Variants in ATF6 observed in about 807,000 individuals in gnomAD.
ATF6 encodes the protein cyclic AMP-dependent transcription factor ATF-6 alpha.
ATF6 carries 53 observed loss-of-function variants against 83.6 expected under a neutral mutation model. The ratio of observed to expected loss-of-function variants is 0.63; its 90% CI spans 0.51 to 0.80. The LOEUF (loss-of-function observed/expected upper bound fraction) is 0.80. Ranked by LOEUF, ATF6 falls within the 30% of genes least tolerant of loss-of-function variation. ATF6 has a pLI of 0.00. For missense variants in ATF6, 744 were observed against 797.9 expected, an observed-to-expected ratio of 0.93 and a Z score of 0.81; for synonymous variants, 288 against 285.8, an observed-to-expected ratio of 1.01 and a Z score of -0.08.
At chr1:161,901,448 A>C (rs945805186) in intron 14 of ATF6, among the ~76,000 whole-genome samples, 18 of 152,096 alleles carry the variant, frequency 1.2e-4, no homozygotes, top group Admixed American at 1.0e-3. Flanking sequence ...AAACAATTAA[A>C]ATTTTAAATA....
chr1:161,783,988 A>C lies in ATF6; in HGVS notation c.248-2A>C. On this transcript the variant is annotated splice_acceptor_variant, in intron 3 of 15. Coordinates refer to ENST00000367942, the MANE Select transcript of ATF6 (RefSeq NM_007348.4). LOFTEE classifies it high-confidence loss of function. ...GTAAAACCTTTCCTCCATGTTTTCC[A>C]GTTAAAGATATTAAGGCAGAACCTC... The C allele has an allele frequency of 6.3e-7, 1 of 1,597,534 alleles. No individual in the cohort carries two copies.
chr1:161,935,204 G>A (rs995392839), intron 15 of ATF6, among the ~76,000 whole-genome samples: 37 of 152,270 alleles, frequency 2.4e-4, no homozygotes, highest in African/African-American at 8.7e-4. Context: ...AGATAGACTC[G>A]TATGTAATCA....
At chr1:161,865,499 G>A (rs1253743176) in intron 14 of ATF6, among the ~76,000 whole-genome samples, 1 of 152,152 alleles carries the variant, frequency 6.6e-6, no homozygotes, top group East Asian at 1.9e-4. Flanking sequence ...AAAAGACAGT[G>A]AATGGCGGTT....
At chr1:161,906,671 C>G (rs138960914) in intron 14 of ATF6, among the ~76,000 whole-genome samples, 150 of 152,298 alleles carry the variant, frequency 9.8e-4, no homozygotes, top group East Asian at 9.8e-3. Context: ...AAAGTTTCCT[C>G]TTGTCAAAGT....
At chr1:161,855,710 G>T (rs1462067800) in intron 12 of ATF6, among the ~76,000 whole-genome samples, 1 of 152,134 alleles carries the variant, frequency 6.6e-6, no homozygotes, top group Non-Finnish European at 1.5e-5. Context: ...GAAATTGTAG[G>T]GATAGTGGTG....
intron 14 of ATF6, among the ~76,000 whole-genome samples, chr1:161,902,884 G>T (rs1029115771): frequency 6.6e-6 from 1 of 152,164 alleles, no homozygotes; most frequent in African/African-American, 2.4e-5. Flanking sequence ...AACTAAGGTG[G>T]CTAGGAAAGA....
intron 14 of ATF6, among the ~76,000 whole-genome samples, chr1:161,901,088 T>C (rs1687778396): frequency 6.6e-6 from 1 of 152,162 alleles, no homozygotes; most frequent in African/African-American, 2.4e-5. Context: ...ATAAAGCAGA[T>C]ATTTCTGTCT....
At chr1:161,913,973 G>A (rs138693633) in intron 15 of ATF6, among the ~76,000 whole-genome samples, 32 of 152,282 alleles carry the variant, frequency 2.1e-4, no homozygotes, top group African/African-American at 7.7e-4. Flanking sequence ...GTTTGACTAT[G>A]TTTATCTTGG....
At chr1:161,833,788 C>T (rs1686137915) in intron 9 of ATF6, among the ~76,000 whole-genome samples, 1 of 152,096 alleles carries the variant, frequency 6.6e-6, no homozygotes, top group Admixed American at 6.5e-5. Context: ...AATTGGTGCG[C>T]CTGAAAGTGA....
At chr1:161,950,713 C>T (rs1385135446) in intron 15 of ATF6, among the ~76,000 whole-genome samples, 6 of 152,108 alleles carry the variant, frequency 3.9e-5, no homozygotes, top group African/African-American at 1.4e-4. Flanking sequence ...ATTTTTTACC[C>T]CAACCCAGTC....
chr1:161,884,630 G>A (rs1438124468), intron 14 of ATF6, among the ~76,000 whole-genome samples: 4 of 151,754 alleles, frequency 2.6e-5, no homozygotes, highest in East Asian at 1.9e-4. Context: ...TAGCCATTAC[G>A]TTCCTGGCTG....
chr1:161,792,405 C>G, intron 6 of ATF6, 78 bp downstream of exon 6: 1 of 1,395,638 alleles, frequency 7.2e-7, no homozygotes, highest in Non-Finnish European at 9.9e-7. Context: ...TGTTTTAATT[C>G]AGGTTATAAT....
At chr1:161,835,564 A>G (rs1437173524) in intron 9 of ATF6, among the ~76,000 whole-genome samples, 1 of 152,178 alleles carries the variant, frequency 6.6e-6, no homozygotes, top group African/African-American at 2.4e-5. Context: ...CTTTCTTCCT[A>G]TACATTAGCC....
At chr1:161,899,193 A>C (rs1481883889) in intron 14 of ATF6, among the ~76,000 whole-genome samples, 1 of 152,154 alleles carries the variant, frequency 6.6e-6, no homozygotes, top group East Asian at 1.9e-4. Flanking sequence ...TTTTCATATC[A>C]CAATAATATA....
At chr1:161,888,247 A>G (rs1442259294) in intron 14 of ATF6, among the ~76,000 whole-genome samples, 1 of 152,228 alleles carries the variant, frequency 6.6e-6, no homozygotes, top group Non-Finnish European at 1.5e-5. Context: ...AAGAGCAACT[A>G]GAAGTATTTA....
intron 9 of ATF6, among the ~76,000 whole-genome samples, chr1:161,826,984 T>C (rs940529415): frequency 6.9e-6 from 1 of 143,986 alleles, no homozygotes; most frequent in African/African-American, 2.6e-5. Flanking sequence ...CAGGCTGGAG[T>C]GCAGTGGTGC....
At chr1:161,776,894 C>T (rs537578304) in intron 1 of ATF6, among the ~76,000 whole-genome samples, 20 of 152,044 alleles carry the variant, frequency 1.3e-4, no homozygotes, top group African/African-American at 2.7e-4. Flanking sequence ...TAGATAGAAA[C>T]GTTTATGCTG....
intron 14 of ATF6, among the ~76,000 whole-genome samples, chr1:161,881,404 C>T (rs757061137): frequency 3.3e-5 from 5 of 152,118 alleles, no homozygotes; most frequent in Non-Finnish European, 5.9e-5. Context: ...GTTGGAGATT[C>T]CCCTCAGTTC....
rs762716087 is a variant in ATF6 at position 161,962,539 on chromosome 1, T to A, written c.*3885T>A. ...AGAAATGTATTACAGGAAAAACTTA[T>A]AATTGTATTTGACTTTCTAACACAT... is the stretch of plus-strand genomic sequence containing the variant. On this transcript the variant is annotated 3_prime_UTR_variant, in exon 16 of 16. Coordinates refer to ENST00000367942, the MANE Select transcript of ATF6 (RefSeq NM_007348.4). 9.2e-5 allele frequency: 14 copies of A among 152,254 alleles called. No individual in the cohort carries two copies. Among genetic ancestry groups the A allele is most frequent in the Non-Finnish European group, 1.3e-4 (9 of 68,042 alleles). 9.4% of individuals were successfully genotyped at this position (152,254 alleles called of 1,614,324 possible). A position where few individuals can be genotyped will look rare whatever the true frequency, so the allele number is the denominator to read the frequency against.
Sources: gnomAD v4.1 joint callset for allele counts (sites outside exome capture counted in the v4.1 genomes callset) on GRCh38, gnomAD v4.1.1 for gene constraint, MANE v1.5 for transcripts, NCBI Gene and HGNC (gene_info 2026-07-23, HGNC 2026-07-21) for gene names.